VPS13A: variants seen among roughly 807,000 people sequenced by gnomAD.
VPS13A encodes the protein intermembrane lipid transfer protein VPS13A.
Under a neutral mutation model 390.9 loss-of-function variants are expected in VPS13A, and 264 were observed. That is an observed-to-expected ratio of 0.68 (90% CI 0.61 to 0.75). The LOEUF is 0.75. Among genes scored for constraint, VPS13A ranks in the 30% least tolerant of loss-of-function variants. VPS13A has a pLI of 0.00. For synonymous variants in VPS13A, 1,231 were observed against 1,227.1 expected (o/e 1.00, Z -0.07); for missense variants, 3,409 against 3,733.9 (o/e 0.91, Z 2.27).
At chr9:77,190,646 T>C (rs1824620199) in intron 1 of VPS13A, among the ~76,000 whole-genome samples, 1 of 152,194 alleles carries the variant, frequency 6.6e-6, no homozygotes, top group South Asian at 2.1e-4. Flanking sequence ...ATAGTTTCAA[T>C]AGGATTGGTA....
At chr9:77,369,029 G>C (rs1384724066) in intron 62 of VPS13A, among the ~76,000 whole-genome samples, 1 of 152,184 alleles carries the variant, frequency 6.6e-6, no homozygotes, top group Non-Finnish European at 1.5e-5. Flanking sequence ...AGCTTGGGAG[G>C]AGGAGGCACA....
intron 3 of VPS13A, among the ~76,000 whole-genome samples, chr9:77,204,020 ACT>A (rs1239650278): frequency 6.6e-6 from 1 of 152,026 alleles, no homozygotes; most frequent in Non-Finnish European, 1.5e-5. Context: ...TGAGACTGTG[ACT>A]CTACAAAAAA....
chr9:77,408,853 G>A (rs1834760217), intron 71 of VPS13A, among the ~76,000 whole-genome samples: 1 of 152,228 alleles, frequency 6.6e-6, no homozygotes, highest in Non-Finnish European at 1.5e-5. Flanking sequence ...TGCCTCTGTA[G>A]ACTCCACCTC....
At chr9:77,193,202 G>T (rs1824786499) in intron 1 of VPS13A, among the ~76,000 whole-genome samples, 1 of 152,148 alleles carries the variant, frequency 6.6e-6, no homozygotes, top group Admixed American at 6.5e-5. Context: ...CAGTTTGGTT[G>T]TTTCTTAAAA....
At chr9:77,223,190 ATGT>A (rs1352318494) in intron 13 of VPS13A, among the ~76,000 whole-genome samples, 2 of 152,118 alleles carry the variant, frequency 1.3e-5, no homozygotes, top group African/African-American at 2.4e-5. Flanking sequence ...AACTTAATAA[ATGT>A]TGTGCGTGTT....
chr9:77,209,522 A>T lies in VPS13A; in HGVS notation c.485A>T (p.Tyr162Phe), dbSNP rs1371410887. The stretch of plus-strand genomic sequence containing the variant: ...AAAATTTCCAGTATCCATATTCGTT[A>T]TGAAGATGATGTAAGTATTTTAATA... ...QVKISSIHIR[Y>F]EDDITNRDKP... Residue 162 changes from tyrosine to phenylalanine, a missense_variant, in exon 6 of 72, where the codon TAT becomes TTT. Tyr to Phe is a conservative substitution (Grantham distance 22). This residue lies in a region of VPS13A where 2,717 missense variants were observed against 2,917.4 expected (regional missense o/e 0.93). Transcript: ENST00000360280. The T allele has an allele frequency of 1.9e-6, 3 of 1,565,886 alleles. No homozygotes were observed. The highest frequency in any genetic ancestry group is 1.8e-6 in the Non-Finnish European group (2 of 1,138,200).
At chr9:77,277,103 G>A in intron 26 of VPS13A, among the ~76,000 whole-genome samples, 1 of 152,088 alleles carries the variant, frequency 6.6e-6, no homozygotes, top group East Asian at 1.9e-4. Context: ...TAGGTAATTA[G>A]GAGGGTTGTA....
At chr9:77,305,374 T>C (rs575039100) in intron 34 of VPS13A, among the ~76,000 whole-genome samples, 1 of 152,340 alleles carries the variant, frequency 6.6e-6, no homozygotes, top group South Asian at 2.1e-4. Flanking sequence ...TTAAGATAAA[T>C]ATTTGAAGTC....
Position 77,339,734 on chromosome 9 carries a change from T to C in VPS13A, c.6597T>C (p.His2199=), listed in dbSNP as rs1830716483. ...MEKTDLDIAV[H]MTYNTGQTVV... Reference sequence around the variant, plus strand: ...AGACTGATTTAGATATTGCTGTCCATATGACTTACAATACTGGTCAGACAG... The same window carrying C: ...AGACTGATTTAGATATTGCTGTCCACATGACTTACAATACTGGTCAGACAG... Residue 2199 remains histidine (H), a synonymous_variant, in exon 48 of 72, where the codon CAT becomes CAC. Coordinates refer to ENST00000360280, the MANE Select transcript of VPS13A (RefSeq NM_033305.3). The C allele has an allele frequency of 1.2e-6, 2 of 1,613,990 alleles. No homozygotes were observed. The highest frequency in any genetic ancestry group is 1.3e-5 in the African/African-American group (1 of 74,926).
intron 1 of VPS13A, among the ~76,000 whole-genome samples, chr9:77,197,452 A>G (rs1159664865): frequency 6.6e-6 from 1 of 152,110 alleles, no homozygotes; most frequent in Non-Finnish European, 1.5e-5. Flanking sequence ...TGTTTGGTGC[A>G]TACATGTTTA....
intron 3 of VPS13A, among the ~76,000 whole-genome samples, chr9:77,204,733 T>G (rs1041690270): frequency 6.6e-6 from 1 of 152,098 alleles, no homozygotes. Flanking sequence ...CTCAAGATCC[T>G]CCCACCTCAG....
At chr9:77,195,056 C>T (rs1178337736) in intron 1 of VPS13A, among the ~76,000 whole-genome samples, 1 of 152,116 alleles carries the variant, frequency 6.6e-6, no homozygotes, top group Non-Finnish European at 1.5e-5. Flanking sequence ...AATGCAGTGT[C>T]ACAGAACTTT....
At chr9:77,278,886 C>T (rs1429119334) in intron 26 of VPS13A, among the ~76,000 whole-genome samples, 2 of 152,094 alleles carry the variant, frequency 1.3e-5, no homozygotes, top group Non-Finnish European at 2.9e-5. Context: ...TCCTTTATTC[C>T]CCTCGCAGGA....
chr9:77,272,732 AG>A (rs1289294066), intron 23 of VPS13A, among the ~76,000 whole-genome samples: 4 of 152,198 alleles, frequency 2.6e-5, no homozygotes, highest in African/African-American at 9.7e-5. Context: ...GAGATCCGGG[AG>A]GAACACATAA....
intron 63 of VPS13A, among the ~76,000 whole-genome samples, chr9:77,369,945 A>G (rs1266783459): frequency 6.6e-6 from 1 of 152,244 alleles, no homozygotes; most frequent in Non-Finnish European, 1.5e-5. Context: ...TTAAAGACTT[A>G]TCAAGAGTAG....
intron 3 of VPS13A, among the ~76,000 whole-genome samples, chr9:77,202,610 G>A (rs898689982): frequency 3.9e-5 from 6 of 151,978 alleles, no homozygotes; most frequent in African/African-American, 1.4e-4. Flanking sequence ...TTTACCAAAG[G>A]TCATTGAATT....
chr9:77,410,545 AC>A (rs1185704923), intron 71 of VPS13A, among the ~76,000 whole-genome samples: 6 of 152,328 alleles, frequency 3.9e-5, no homozygotes, highest in African/African-American at 1.2e-4. Context: ...TATTCAGGAA[AC>A]CCACCTCACA....
chr9:77,360,685 A>C, intron 59 of VPS13A, 44 bp downstream of exon 59: 3 of 1,396,322 alleles, frequency 2.1e-6, no homozygotes, highest in Non-Finnish European at 3.0e-6. Context: ...GATTAGGGAA[A>C]AGATATTATT....
intron 36 of VPS13A, 103 bp downstream of exon 36, chr9:77,314,222 A>AACATTTAT: frequency 7.8e-7 from 1 of 1,284,768 alleles, no homozygotes; most frequent in South Asian, 1.3e-5. Flanking sequence ...ATTTTGTAGT[A>AACATTTAT]TCTGTCCCTC....
Sources: allele counts gnomAD v4.1 joint callset (sites outside exome capture counted in the v4.1 genomes callset), GRCh38; gene constraint gnomAD v4.1.1; regional missense constraint gnomAD v4.1.1; transcripts MANE v1.5; gene names NCBI Gene and HGNC (gene_info 2026-07-23, HGNC 2026-07-21).